Variants in MYO16 observed in about 807,000 individuals in gnomAD.
MYO16 encodes myosin XVI.
A neutral mutation model predicts 205.3 loss-of-function variants in MYO16; 94 were observed. That is an observed-to-expected ratio of 0.46 (90% CI 0.39 to 0.54). MYO16 has a LOEUF of 0.54. MYO16 is among the 20% of genes least tolerant of loss of function. MYO16 has a pLI of 0.00. For missense variants in MYO16, 2,315 were observed against 2,387.5 expected (o/e 0.97, Z 0.63); for synonymous variants, 988 against 954.0 (o/e 1.04, Z -0.66).
At chr13:108,873,544 C>T (rs1170000060) in intron 12 of MYO16, among the ~76,000 whole-genome samples, 5 of 152,220 alleles carry the variant, frequency 3.3e-5, no homozygotes, top group Non-Finnish European at 7.3e-5. Flanking sequence ...CCACCACTGC[C>T]GAGATGCGGG....
At chr13:108,983,227 C>T (rs1214005659) in intron 20 of MYO16, among the ~76,000 whole-genome samples, 2 of 152,152 alleles carry the variant, frequency 1.3e-5, no homozygotes, top group Admixed American at 6.5e-5. Flanking sequence ...GATTTCATCT[C>T]TCCATTCTCC....
intron 7 of MYO16, among the ~76,000 whole-genome samples, chr13:108,813,691 C>T (rs1356649739): frequency 6.6e-6 from 1 of 152,234 alleles, no homozygotes; most frequent in South Asian, 2.1e-4. Context: ...TACAGACACA[C>T]AACACATACA....
At chr13:108,681,447 CA>C (rs1217148530) in intron 2 of MYO16, among the ~76,000 whole-genome samples, 1 of 152,104 alleles carries the variant, frequency 6.6e-6, no homozygotes, top group East Asian at 1.9e-4. Flanking sequence ...ATTTGTTTGC[CA>C]AATATGTTTT....
intron 27 of MYO16, among the ~76,000 whole-genome samples, chr13:109,073,165 A>G (rs2139652774): frequency 6.6e-6 from 1 of 151,202 alleles, no homozygotes; most frequent in East Asian, 1.9e-4. Flanking sequence ...GTAGTGGCGC[A>G]ATCTCAGCTC....
At chr13:109,020,855 A>G (rs1441746815) in intron 23 of MYO16, among the ~76,000 whole-genome samples, 1 of 152,216 alleles carries the variant, frequency 6.6e-6, no homozygotes. Flanking sequence ...TATGACAAAG[A>G]AGGAGCATTT....
intron 9 of MYO16, among the ~76,000 whole-genome samples, chr13:108,837,508 A>G (rs79312445): frequency 2.0e-5 from 3 of 152,340 alleles, no homozygotes; most frequent in East Asian, 3.9e-4. Flanking sequence ...GAAAAGTTCT[A>G]TGAGAGATGA....
At position 108,830,684 on chromosome 13, in the gene MYO16, G is replaced by A. The variant is rs181377089; in HGVS notation, c.1097+7406G>A. ...TAGATGACGAGTTAGTGGGTGCAGC[G>A]CACCAGCATGGCACATGTATACATA... is the stretch of plus-strand genomic sequence containing the variant. On this transcript the variant is annotated intron_variant, in intron 9 of 34. Coordinates refer to ENST00000457511, the MANE Select transcript of MYO16 (RefSeq NM_001198950.3). Among the ~76,000 whole-genome samples, 25 of 151,114 alleles carry A rather than the reference G, an allele frequency of 1.7e-4. 1 individual carries two copies. The highest frequency in any genetic ancestry group is 3.0e-4 in the Non-Finnish European group (20 of 67,726).
At chr13:108,584,904 G>T in the MYO16 span, among the ~76,000 whole-genome samples, 6 of 152,214 alleles carry the variant, frequency 3.9e-5, no homozygotes, top group South Asian at 4.2e-4. Context: ...CCCAATAGAG[G>T]TATAATTTAT....
At chr13:108,737,991 A>T (rs1013010031) in intron 4 of MYO16, among the ~76,000 whole-genome samples, 1 of 152,034 alleles carries the variant, frequency 6.6e-6, no homozygotes, top group Non-Finnish European at 1.5e-5. Flanking sequence ...TATCCCCTTT[A>T]TAATTTTTAT....
rs753472718 is a variant in MYO16 at position 109,164,963 on chromosome 13, G to A, written c.5227G>A (p.Glu1743Lys). Residue 1743 changes from glutamate to lysine, a missense_variant, in exon 33 of 35, where the codon GAG becomes AAG. Coordinates refer to ENST00000457511, the MANE Select transcript of MYO16 (RefSeq NM_001198950.3). ...CCCTAGTACGTCAGAAATTACTTCC[G>A]AGACTCAAGACAGAAATGCAAATAA... is the stretch of plus-strand genomic sequence containing the variant. ...DDPSTSEITSETQDRNANNHG... is the reference protein window; with the variant it reads ...DDPSTSEITSKTQDRNANNHG... 4.4e-6 allele frequency: 7 copies of A among 1,607,844 alleles called. No homozygotes were observed. The highest frequency in any genetic ancestry group is 2.2e-5 in the East Asian group (1 of 44,564).
At chr13:108,874,685 T>TTCATCATCA (rs375128929) in intron 12 of MYO16, among the ~76,000 whole-genome samples, 3 of 126,050 alleles carry the variant, frequency 2.4e-5, no homozygotes, top group Non-Finnish European at 3.6e-5. Context: ...GGCAGACAGT[T>TTCATCATCA]TCATCATCAT....
intron 23 of MYO16, among the ~76,000 whole-genome samples, chr13:109,023,709 A>ATACATATATATATGTATATAT: frequency 8.1e-6 from 1 of 124,144 alleles, no homozygotes. Context: ...ATATGTATAT[A>ATACATATATATATGTATATAT]TACAAATATA....
At chr13:108,926,977 A>G (rs1009148932) in intron 16 of MYO16, among the ~76,000 whole-genome samples, 3 of 152,168 alleles carry the variant, frequency 2.0e-5, no homozygotes, top group Non-Finnish European at 4.4e-5. Flanking sequence ...GAGTCCCGGT[A>G]TGGGAAAGGC....
At chr13:108,923,871 C>A (rs1038577330) in intron 16 of MYO16, among the ~76,000 whole-genome samples, 1 of 152,182 alleles carries the variant, frequency 6.6e-6, no homozygotes, top group Non-Finnish European at 1.5e-5. Context: ...CTTAGATCAG[C>A]ATTTTTTCCC....
At chr13:108,888,282 G>A in intron 13 of MYO16, 90 bp from the exon 14 acceptor site, 1 of 832,356 alleles carries the variant, frequency 1.2e-6, no homozygotes, top group Non-Finnish European at 1.9e-6. Context: ...TTTTTTACTT[G>A]TTCCTTCAAA....
chr13:108,594,949 T>A (rs952939749), upstream of MYO16, among the ~76,000 whole-genome samples: 3 of 152,330 alleles, frequency 2.0e-5, no homozygotes, highest in South Asian at 2.1e-4. Flanking sequence ...TTTTTGCCTC[T>A]TTATCATCAG....
chr13:108,925,560 A>G (rs973517419), intron 16 of MYO16, among the ~76,000 whole-genome samples: 8 of 152,188 alleles, frequency 5.3e-5, no homozygotes, highest in African/African-American at 1.9e-4. Flanking sequence ...CACCTAAAGA[A>G]CCTGGTTCCC....
chr13:108,790,916 C>T (rs190025320), intron 5 of MYO16, among the ~76,000 whole-genome samples: 16 of 152,146 alleles, frequency 1.1e-4, no homozygotes, highest in African/African-American at 3.9e-4. Flanking sequence ...TTTATCACTC[C>T]ATTTTAAATA....
chr13:108,503,720 A>T, the MYO16 span, among the ~76,000 whole-genome samples: 3 of 152,136 alleles, frequency 2.0e-5, no homozygotes, highest in Non-Finnish European at 4.4e-5. Flanking sequence ...GTTACATAGG[A>T]TTACATCAAA....
Sources: allele counts gnomAD v4.1 joint callset (sites outside exome capture counted in the v4.1 genomes callset), GRCh38; gene constraint gnomAD v4.1.1; transcripts MANE v1.5; gene names NCBI Gene and HGNC (gene_info 2026-07-23, HGNC 2026-07-21).